Variants in TFDP2 observed in about 807,000 individuals in gnomAD.
TFDP2 encodes the protein transcription factor Dp-2, also known as transcription factor Dp-2 (E2F dimerization partner 2).
Under a neutral mutation model 59.3 loss-of-function variants are expected in TFDP2, and 17 were observed. That is an observed-to-expected ratio of 0.29 (90% confidence interval 0.20 to 0.43). TFDP2 has a LOEUF of 0.43. TFDP2 is among the 20% of genes least tolerant of loss of function. TFDP2 has a pLI of 1.00. For missense variants in TFDP2, 391 were observed against 528.8 expected (o/e 0.74, Z 2.56); for synonymous variants, 180 against 194.7 (o/e 0.92, Z 0.63).
At position 142,075,906 on chromosome 3, in the gene TFDP2, C is replaced by CAAAAAAAAAAAAAAAA. The variant is rs60581045; in HGVS notation, c.82+17139_82+17154dup. 1.5e-4 allele frequency among the ~76,000 whole-genome samples: 12 copies of CAAAAAAAAAAAAAAAA among 80,710 alleles called. 1 individual carries two copies. Among genetic ancestry groups the CAAAAAAAAAAAAAAAA allele is most frequent in the African/African-American group, 6.0e-4 (11 of 18,380 alleles). The allele number at this position is 80,710 out of a possible 152,430, so 52.9% of individuals were successfully genotyped here. On this transcript the variant is annotated intron_variant, in intron 3 of 12. Transcript: ENST00000489671. The stretch of plus-strand genomic sequence containing the variant: ...TGGGCAACAGAGCCAGAACCTGCCT[C>CAAAAAAAAAAAAAAAA]AAAAAAAAAAAAAAAAAAGGCTTTC...
rs34147232 is a variant in TFDP2 at position 142,016,302 on chromosome 3, ATT to A, written c.83-10760_83-10759del. 8.1e-3 allele frequency among the ~76,000 whole-genome samples: 1,080 copies of A among 133,256 alleles called. 9 individuals are homozygous for A. The highest frequency in any genetic ancestry group is 0.021 in the African/African-American group (750 of 35,492). 87.4% of individuals were successfully genotyped at this position (133,256 alleles called of 152,430 possible). A position where few individuals can be genotyped will look rare whatever the true frequency, so the allele number is the denominator to read the frequency against. On this transcript the variant is annotated intron_variant, in intron 3 of 12. Transcript: ENST00000489671. The stretch of plus-strand genomic sequence containing the variant: ...GGCGTGAACCACCACGCCCAGCAAC[ATT>A]TTTTTTTTTTTTTTAAGACAGTCTC...
chr3:141,974,196 T>G lies in TFDP2; in HGVS notation c.520-5A>C. The G allele has an allele frequency of 1.3e-6, 2 of 1,589,144 alleles. No individual in the cohort carries two copies. Among genetic ancestry groups the G allele is most frequent in the Non-Finnish European group, 1.7e-6 (2 of 1,171,188 alleles). On this transcript the variant is annotated splice_region_variant and splice_polypyrimidine_tract_variant and intron_variant, in intron 7 of 12. Transcript: ENST00000489671. ...AATGTTCTTCTGATCATAAGCCTGC[T>G]AAAAAATATTTTCACTGAGTGATAA...
intron 3 of TFDP2, among the ~76,000 whole-genome samples, chr3:142,076,942 A>G (rs2060478714): frequency 6.6e-6 from 1 of 152,208 alleles, no homozygotes; most frequent in Admixed American, 6.5e-5. Context: ...AAGAGGCACC[A>G]AAGAGGGTAG....
chr3:142,083,262 A>G (rs926238224), intron 3 of TFDP2, among the ~76,000 whole-genome samples: 1 of 152,204 alleles, frequency 6.6e-6, no homozygotes. Flanking sequence ...CATTTATAGT[A>G]GATACAAATG....
chr3:142,012,233 C>T (rs188837681), intron 3 of TFDP2, among the ~76,000 whole-genome samples: 38 of 152,242 alleles, frequency 2.5e-4, no homozygotes, highest in East Asian at 1.7e-3. Flanking sequence ...AGGACGGTCT[C>T]GATCTCCTGA....
intron 1 of TFDP2, among the ~76,000 whole-genome samples, chr3:142,146,072 A>C (rs1283399684): frequency 1.3e-5 from 2 of 152,176 alleles, no homozygotes; most frequent in Non-Finnish European, 2.9e-5. Context: ...TTTAGTGAAA[A>C]ATTTGCATGA....
At position 141,995,020 on chromosome 3, in the gene TFDP2, C is replaced by A; in HGVS notation, c.308G>T (p.Gly103Val). 6.3e-7 allele frequency: 1 copy of A among 1,576,880 alleles called. No homozygotes were observed. Among genetic ancestry groups the A allele is most frequent in the Non-Finnish European group, 8.6e-7 (1 of 1,162,298 alleles). ...HIAEATGWVP[G>V]DRKRARKFID... ...AAATAGTAACTTGCAACACTCTTAC[C>A]CAGGGACCCAGCCAGTAGCTTCTGC... Residue 103 changes from glycine to valine, a missense_variant and splice_region_variant, in exon 5 of 13, where the codon GGT (glycine) becomes GTT (valine). Around this residue, in one of 3 missense-constraint regions of TFDP2, gnomAD observed 162 missense variants for 206.8 expected, o/e 0.78. Coordinates refer to ENST00000489671, the MANE Select transcript of TFDP2 (RefSeq NM_001178139.2).
At chr3:142,132,418 C>T (rs1205392959) in intron 1 of TFDP2, among the ~76,000 whole-genome samples, 1 of 149,766 alleles carries the variant, frequency 6.7e-6, no homozygotes, top group Non-Finnish European at 1.5e-5. Flanking sequence ...TACTAAACAA[C>T]CACATCTTTA....
At chr3:141,969,161 A>ATG (rs1318311563) in intron 9 of TFDP2, among the ~76,000 whole-genome samples, 2 of 94,156 alleles carry the variant, frequency 2.1e-5, no homozygotes, top group Non-Finnish European at 3.8e-5. Flanking sequence ...AGATATATAT[A>ATG]TAACATATAT....
intron 3 of TFDP2, among the ~76,000 whole-genome samples, chr3:142,032,684 T>A (rs1364155243): frequency 7.2e-5 from 11 of 152,190 alleles, no homozygotes; most frequent in African/African-American, 2.7e-4. Context: ...CTCATCCTTG[T>A]TAAAGGCATT....
chr3:142,075,664 G>C (rs956108449), intron 3 of TFDP2, among the ~76,000 whole-genome samples: 7 of 150,016 alleles, frequency 4.7e-5, no homozygotes, highest in African/African-American at 1.2e-4. Context: ...GGGAGGCCAA[G>C]GCAGGAGGAT....
rs781607326 is a variant in TFDP2, at chr3:141,944,849, TACA to T, written c.*7661_*7663del. 1 of 152,258 alleles carries T rather than the reference TACA, an allele frequency of 6.6e-6. No individual in the cohort carries two copies. The highest frequency in any genetic ancestry group is 1.5e-5 in the Non-Finnish European group (1 of 68,042). The allele number at this position is 152,258 out of a possible 1,614,324, so 9.4% of individuals were successfully genotyped here. On this transcript the variant is annotated 3_prime_UTR_variant, in exon 13 of 13. Coordinates refer to ENST00000489671, the MANE Select transcript of TFDP2 (RefSeq NM_001178139.2). ...CCATATAAAAATAATGGCATTTATT[TACA>T]AAGTCTGAGATACTACAAAATAATA...
intron 3 of TFDP2, among the ~76,000 whole-genome samples, chr3:142,086,459 T>C (rs2060814364): frequency 1.3e-5 from 2 of 152,168 alleles, no homozygotes; most frequent in African/African-American, 4.8e-5. Context: ...TTCGATTAAT[T>C]TGCTAGAGTG....
intron 6 of TFDP2, among the ~76,000 whole-genome samples, chr3:141,991,813 C>A (rs1942799687): frequency 6.6e-6 from 1 of 151,996 alleles, no homozygotes; most frequent in South Asian, 2.1e-4. Context: ...GAGGCCAAGG[C>A]AGGAGGATCA....
chr3:142,095,637 C>G (rs979530528), intron 2 of TFDP2, among the ~76,000 whole-genome samples: 7 of 152,200 alleles, frequency 4.6e-5, no homozygotes, highest in Non-Finnish European at 8.8e-5. Context: ...AAAGACAATA[C>G]TTTCCAACAA....
At chr3:142,063,097 T>C (rs890895456) in intron 3 of TFDP2, among the ~76,000 whole-genome samples, 1 of 152,172 alleles carries the variant, frequency 6.6e-6, no homozygotes, top group Non-Finnish European at 1.5e-5. Context: ...CTTGAAATAA[T>C]ATGTAAATAT....
chr3:142,144,183 G>C (rs1368724442), intron 1 of TFDP2, among the ~76,000 whole-genome samples: 3 of 152,128 alleles, frequency 2.0e-5, no homozygotes, highest in African/African-American at 4.8e-5. Flanking sequence ...AGACCATCCT[G>C]GCCAAAATGG....
chr3:142,096,592 C>G (rs549700103), intron 2 of TFDP2, among the ~76,000 whole-genome samples: 1 of 152,234 alleles, frequency 6.6e-6, no homozygotes, highest in Non-Finnish European at 1.5e-5. Flanking sequence ...AAAATGGTTA[C>G]TATAGTGGGT....
intron 3 of TFDP2, among the ~76,000 whole-genome samples, chr3:142,068,368 C>T (rs1275616939): frequency 6.6e-6 from 1 of 152,032 alleles, no homozygotes; most frequent in African/African-American, 2.4e-5. Context: ...TTGGTTTTGG[C>T]AATTACATTT....
Sources: gnomAD v4.1 joint callset for allele counts (sites outside exome capture counted in the v4.1 genomes callset) on GRCh38, gnomAD v4.1.1 for gene constraint, gnomAD v4.1.1 regional missense constraint, MANE v1.5 for transcripts, NCBI Gene and HGNC (gene_info 2026-07-23, HGNC 2026-07-21) for gene names.